The following HDAC5 variants were observed in gnomAD, a reference collection of about 807,000 sequenced individuals.
The protein encoded by HDAC5 is histone deacetylase 5.
Under a neutral mutation model 133.3 loss-of-function variants are expected in HDAC5, and 25 were observed. That is an observed-to-expected ratio of 0.19 (90% confidence interval 0.14 to 0.26). The LOEUF (loss-of-function observed/expected upper bound fraction) is 0.26, where lower values mean the gene tolerates loss of function less well. Ranked by LOEUF, HDAC5 falls within the 10% of genes least tolerant of loss-of-function variation. The pLI, the probability that HDAC5 is intolerant of heterozygous loss-of-function variation, is 1.00. For synonymous variants in HDAC5, 589 were observed against 610.8 expected (o/e 0.96, Z 0.53); for missense variants, 1,041 against 1,460.5 (o/e 0.71, Z 4.68).
chr17:44,095,944 G>A (rs1005913397), intron 3 of HDAC5, among the ~76,000 whole-genome samples: 6 of 152,132 alleles, frequency 3.9e-5, no homozygotes, highest in Admixed American at 3.9e-4. Context: ...GTCCCCACAT[G>A]GACAATGGGC....
intron 3 of HDAC5, among the ~76,000 whole-genome samples, chr17:44,100,507 G>A (rs540476025): frequency 1.7e-3 from 264 of 151,210 alleles, no homozygotes; most frequent in Non-Finnish European, 2.5e-3. Context: ...GGCCAAGGCG[G>A]GCAGATCACG....
In HDAC5 at chr17:44,086,748, G is replaced by A. The variant is rs1198640511; in HGVS notation, c.1885-11C>T. ...GGCATCTGAGAACAGCTGGAGGGGAGAATGGGAGGGGGCCTGGGTCAGACT... is the reference window on the plus strand; with the variant it reads ...GGCATCTGAGAACAGCTGGAGGGGAAAATGGGAGGGGGCCTGGGTCAGACT... On this transcript the variant is annotated splice_polypyrimidine_tract_variant and intron_variant, in intron 13 of 26. Transcript: ENST00000682912. The A allele has an allele frequency of 7.7e-7, 1 of 1,290,412 alleles. No homozygotes were observed. The highest frequency in any genetic ancestry group is 9.9e-7 in the Non-Finnish European group (1 of 1,012,692). 79.9% of individuals were successfully genotyped at this position (1,290,412 alleles called of 1,614,324 possible). A position where few individuals can be genotyped will look rare whatever the true frequency, so the allele number is the denominator to read the frequency against.
At position 44,092,216 on chromosome 17, in the gene HDAC5, C is replaced by T. The variant is rs201708731; in HGVS notation, c.988G>A (p.Ala330Thr). ...SSPNSSHSTIAENGFTGSVPN... is the reference protein window; with the variant it reads ...SSPNSSHSTITENGFTGSVPN... ...ACTGAGCCAGTAAAGCCATTCTCAG[C>T]GATGGTGCTGTGGGAGCTGTTGGGA... is the stretch of plus-strand genomic sequence containing the variant. The change falls in exon 9 of 27, where the codon GCT becomes ACT. Residue 330 changes from alanine (A) to threonine (T), a missense_variant. By Grantham distance (58) the Ala-to-Thr change is moderately conservative (BLOSUM62 0). This residue lies in a region of HDAC5 where 433 missense variants were observed against 531.6 expected (regional missense o/e 0.81). Coordinates refer to ENST00000682912, the MANE Select transcript of HDAC5 (RefSeq NM_005474.5). 101 of 1,614,034 alleles carry T rather than the reference C, an allele frequency of 6.3e-5. No individual in the cohort carries two copies. The highest frequency in any genetic ancestry group is 2.8e-4 in the Admixed American group (17 of 59,996).
chr17:44,114,661 T>C (rs866513967), intron 2 of HDAC5, among the ~76,000 whole-genome samples: 1 of 151,918 alleles, frequency 6.6e-6, no homozygotes, highest in Middle Eastern at 3.4e-3. Context: ...ACAAAGAGGG[T>C]ACAACCAGAG....
intron 14 of HDAC5, 39 bp downstream of exon 14, chr17:44,086,533 G>C (rs2050657302): frequency 1.6e-6 from 2 of 1,280,918 alleles, no homozygotes; most frequent in Non-Finnish European, 2.0e-6. Flanking sequence ...AGGCCCTCTG[G>C]TGCCTGGCAG....
chr17:44,092,336 C>G (rs1403477336), intron 8 of HDAC5, 45 bp downstream of exon 8: 2 of 1,611,736 alleles, frequency 1.2e-6, no homozygotes, highest in Non-Finnish European at 1.7e-6. Context: ...CCCCCGACCC[C>G]TGATTCCCAG....
intron 1 of HDAC5, chr17:44,123,228 C>T: frequency 3.6e-6 from 1 of 275,268 alleles, no homozygotes; most frequent in Non-Finnish European, 6.7e-6. Flanking sequence ...GGGCGCAGGG[C>T]GCGAGAAGGC....
chr17:44,084,796 A>C, intron 15 of HDAC5, 121 bp from the exon 16 acceptor site: 1 of 1,371,650 alleles, frequency 7.3e-7, no homozygotes, highest in Non-Finnish European at 1.0e-6. Flanking sequence ...TATTTTCAGA[A>C]AGTAGATCCT....
chr17:44,098,999 C>G (rs1217896105), intron 3 of HDAC5, among the ~76,000 whole-genome samples: 2 of 152,026 alleles, frequency 1.3e-5, no homozygotes, highest in Non-Finnish European at 2.9e-5. Context: ...GCCTGTAATC[C>G]CAGCTACTCG....
At position 44,093,213 on chromosome 17, in the gene HDAC5, G is replaced by A; in HGVS notation, c.527-7C>T. 2 of 1,607,646 alleles carry A rather than the reference G, an allele frequency of 1.2e-6. No homozygotes were observed. Among genetic ancestry groups the A allele is most frequent in the Non-Finnish European group, 1.7e-6 (2 of 1,175,920 alleles). ...TCAGTGCTGGCAATGGCACCTGCAG[G>A]ACAGGGCACAACTGACCTGGCTGCT... On this transcript the variant is annotated splice_region_variant and splice_polypyrimidine_tract_variant and intron_variant, in intron 5 of 26. Transcript: ENST00000682912.
At chr17:44,114,876 A>T (rs2052560701) in intron 2 of HDAC5, among the ~76,000 whole-genome samples, 1 of 152,214 alleles carries the variant, frequency 6.6e-6, no homozygotes, top group African/African-American at 2.4e-5. Flanking sequence ...TCAGGGAAGC[A>T]GGCAACCCCA....
chr17:44,093,033 A>G (rs776927635), intron 6 of HDAC5, 59 bp downstream of exon 6: 134 of 1,274,700 alleles, frequency 1.1e-4, no homozygotes, highest in Non-Finnish European at 1.5e-4. Flanking sequence ...GCCATCCTAT[A>G]GCCAGGCAGC....
chr17:44,084,056 CAG>C (rs2050526775), intron 16 of HDAC5, among the ~76,000 whole-genome samples: 3 of 151,664 alleles, frequency 2.0e-5, no homozygotes, highest in Non-Finnish European at 2.9e-5. Context: ...CCTGGGGAGA[CAG>C]AGGTCGCAGT....
Position 44,091,757 on chromosome 17 carries a change from C to A in HDAC5, c.1107G>T (p.Leu369=). 1 of 1,601,412 alleles carries A rather than the reference C, an allele frequency of 6.2e-7. No individual in the cohort carries two copies. Among genetic ancestry groups the A allele is most frequent in the Non-Finnish European group, 8.5e-7 (1 of 1,173,778 alleles). ...NQFSLYTSPS[L]PNISLGLQAT... is the part of the protein sequence containing the mutation. Reference sequence around the variant, plus strand: ...CCTGCAGCCCTAGGGAGATGTTGGGCAGAGAAGGAGACGTGTAGAGGCTGA... The same window carrying A: ...CCTGCAGCCCTAGGGAGATGTTGGGAAGAGAAGGAGACGTGTAGAGGCTGA... The change falls in exon 10 of 27, where the codon CTG becomes CTT. Residue 369 remains leucine (L), a synonymous_variant. Transcript: ENST00000682912.
At chr17:44,108,358 C>G (rs1368114154) in intron 3 of HDAC5, among the ~76,000 whole-genome samples, 1 of 152,176 alleles carries the variant, frequency 6.6e-6, no homozygotes, top group East Asian at 1.9e-4. Flanking sequence ...ATGCGACATT[C>G]ATTCATCCAT....
chr17:44,109,066 C>G (rs1194695861), intron 3 of HDAC5, among the ~76,000 whole-genome samples: 1 of 152,158 alleles, frequency 6.6e-6, no homozygotes, highest in Non-Finnish European at 1.5e-5. Context: ...TGCAAGGTTT[C>G]TGGGGTACAA....
At chr17:44,109,035 TGA>T (rs1435678528) in intron 3 of HDAC5, among the ~76,000 whole-genome samples, 1 of 151,900 alleles carries the variant, frequency 6.6e-6, no homozygotes, top group Non-Finnish European at 1.5e-5. Context: ...AGGGAGGAGA[TGA>T]GAGAGCAGGG....
chr17:44,098,972 C>T (rs553892200), intron 3 of HDAC5, among the ~76,000 whole-genome samples: 47 of 151,358 alleles, frequency 3.1e-4, no homozygotes, highest in Admixed American at 8.6e-4. Context: ...CAAAATTAGC[C>T]GGGTGTGGTG....
chr17:44,095,237 T>G (rs1396850399), intron 3 of HDAC5, among the ~76,000 whole-genome samples: 2 of 152,226 alleles, frequency 1.3e-5, no homozygotes, highest in Admixed American at 1.3e-4. Context: ...GAAGTTTAAG[T>G]AGCAACCAGA....
Sources: gnomAD v4.1 joint callset for allele counts (sites outside exome capture counted in the v4.1 genomes callset) on GRCh38, gnomAD v4.1.1 for gene constraint, gnomAD v4.1.1 regional missense constraint, MANE v1.5 for transcripts, NCBI Gene and HGNC (gene_info 2026-07-23, HGNC 2026-07-21) for gene names.